Variants in MGAT5 observed in about 807,000 individuals in gnomAD.
The protein encoded by MGAT5 is alpha-1,6-mannosylglycoprotein 6-beta-N-acetylglucosaminyltransferase A.
MGAT5 carries 30 observed loss-of-function variants against 94.3 expected under a neutral mutation model. The observed-to-expected ratio is 0.32, with a 90% confidence interval of 0.24 to 0.43. The LOEUF (loss-of-function observed/expected upper bound fraction) is 0.43. Ranked by LOEUF, MGAT5 falls within the 20% of genes least tolerant of loss-of-function variation. The pLI, the probability that MGAT5 is intolerant of heterozygous loss-of-function variation, is 1.00. For synonymous variants in MGAT5, 310 were observed against 322.9 expected (o/e 0.96, Z 0.43); for missense variants, 691 against 905.5 (o/e 0.76, Z 3.04).
At chr2:134,309,691 G>A (rs549345377) in intron 2 of MGAT5, among the ~76,000 whole-genome samples, 56 of 152,266 alleles carry the variant, frequency 3.7e-4, no homozygotes, top group Non-Finnish European at 4.1e-4. Flanking sequence ...TAGCAGCACC[G>A]TGGGGCTTAT....
At chr2:134,346,379 G>A (rs1030168559) in intron 8 of MGAT5, among the ~76,000 whole-genome samples, 7 of 152,122 alleles carry the variant, frequency 4.6e-5, no homozygotes, top group African/African-American at 1.7e-4. Flanking sequence ...ATGGATGAGT[G>A]TAATGTTTAT....
intron 8 of MGAT5, among the ~76,000 whole-genome samples, chr2:134,348,656 T>C (rs1225400909): frequency 2.6e-5 from 4 of 152,148 alleles, no homozygotes; most frequent in African/African-American, 7.2e-5. Flanking sequence ...GATTCTAAAA[T>C]GTGGGTTTCA....
At chr2:134,169,729 G>T (rs983154698) in intron 1 of MGAT5, among the ~76,000 whole-genome samples, 59 of 152,198 alleles carry the variant, frequency 3.9e-4, no homozygotes, top group African/African-American at 1.3e-3. Context: ...ACTTGGCTCT[G>T]CAGGAAATGA....
chr2:134,378,316 T>G (rs936268627), intron 10 of MGAT5, among the ~76,000 whole-genome samples: 10 of 152,198 alleles, frequency 6.6e-5, no homozygotes, highest in African/African-American at 2.4e-4. Flanking sequence ...ACTTTGTGAC[T>G]GGGAGGCAGA....
chr2:134,212,646 A>G (rs932727678), intron 1 of MGAT5, among the ~76,000 whole-genome samples: 1 of 152,220 alleles, frequency 6.6e-6, no homozygotes, highest in African/African-American at 2.4e-5. Context: ...CAGCCTTGGG[A>G]AAATGTTAAA....
chr2:134,275,615 G>T (rs1234828727), intron 2 of MGAT5, among the ~76,000 whole-genome samples: 1 of 120,210 alleles, frequency 8.3e-6, no homozygotes, highest in Non-Finnish European at 1.6e-5. Context: ...AGACAGTCTC[G>T]CTCTGTTGCT....
chr2:134,420,204 G>A (rs1016265314), intron 12 of MGAT5, among the ~76,000 whole-genome samples: 2 of 152,086 alleles, frequency 1.3e-5, no homozygotes, highest in African/African-American at 2.4e-5. Context: ...TCTCAGAATC[G>A]TCATTGATGC....
At chr2:134,369,726 A>AC (rs1680660663) in intron 10 of MGAT5, among the ~76,000 whole-genome samples, 2 of 23,088 alleles carry the variant, frequency 8.7e-5, no homozygotes, top group Non-Finnish European at 2.1e-4. Context: ...TGGTTTTTAC[A>AC]TTGTGTGTGT....
At chr2:134,298,199 A>C (rs1685798827) in intron 2 of MGAT5, among the ~76,000 whole-genome samples, 1 of 152,068 alleles carries the variant, frequency 6.6e-6, no homozygotes. Flanking sequence ...GGGTTCAAGC[A>C]ATTCTCCTAC....
chr2:134,387,175 T>G (rs1682037811), intron 10 of MGAT5, among the ~76,000 whole-genome samples: 1 of 151,130 alleles, frequency 6.6e-6, no homozygotes, highest in African/African-American at 2.4e-5. Flanking sequence ...GCAGGAGAAT[T>G]GCTTGAACCC....
intron 1 of MGAT5, among the ~76,000 whole-genome samples, chr2:134,184,409 A>T (rs1225546232): frequency 6.6e-6 from 1 of 152,122 alleles, no homozygotes; most frequent in Non-Finnish European, 1.5e-5. Flanking sequence ...GACTGGTGCT[A>T]GTTCTGCTCT....
Position 134,325,658 on chromosome 2 carries a change from T to C in MGAT5, c.573+6919T>C, listed in dbSNP as rs139395715. ...TTAACATAATTCCTTCACATCAGATTAGTATTCACATTTTCAGGCCATTGT... is the reference window on the plus strand; with the variant it reads ...TTAACATAATTCCTTCACATCAGATCAGTATTCACATTTTCAGGCCATTGT... On this transcript the variant is annotated intron_variant, in intron 4 of 15. Coordinates refer to ENST00000281923, the MANE Select transcript of MGAT5 (RefSeq NM_002410.5). Among the ~76,000 whole-genome samples the C allele has an allele frequency of 1.4e-3, 214 of 152,264 alleles. 1 individual carries two copies. The highest frequency in any genetic ancestry group is 6.8e-3 in the Middle Eastern group (2 of 294).
intron 9 of MGAT5, among the ~76,000 whole-genome samples, chr2:134,360,955 GT>G (rs1275005779): frequency 6.6e-6 from 1 of 152,220 alleles, no homozygotes; most frequent in Non-Finnish European, 1.5e-5. Context: ...TGACAACACA[GT>G]TTTTACATGG....
intron 1 of MGAT5, among the ~76,000 whole-genome samples, chr2:134,156,883 G>A (rs144156986): frequency 2.0e-5 from 3 of 152,220 alleles, no homozygotes; most frequent in African/African-American, 4.8e-5. Context: ...CGTTGGACTC[G>A]GACACATCCA....
At chr2:134,302,205 T>G (rs1686061130) in intron 2 of MGAT5, among the ~76,000 whole-genome samples, 1 of 152,184 alleles carries the variant, frequency 6.6e-6, no homozygotes, top group Non-Finnish European at 1.5e-5. Context: ...AAACAGGCAG[T>G]GGGCCAGATT....
At chr2:134,389,723 A>G (rs1682280968) in intron 10 of MGAT5, among the ~76,000 whole-genome samples, 1 of 152,164 alleles carries the variant, frequency 6.6e-6, no homozygotes, top group South Asian at 2.1e-4. Flanking sequence ...AATTTGGAGT[A>G]CTTGTATTCT....
chr2:134,271,793 G>A (rs1452739308), intron 2 of MGAT5, among the ~76,000 whole-genome samples: 1 of 152,192 alleles, frequency 6.6e-6, no homozygotes, highest in Non-Finnish European at 1.5e-5. Flanking sequence ...CTTCCTTGCA[G>A]TTTCCAACAG....
intron 2 of MGAT5, among the ~76,000 whole-genome samples, chr2:134,305,263 A>T (rs1260026868): frequency 1.2e-4 from 18 of 152,066 alleles, no homozygotes; most frequent in Admixed American, 1.2e-3. Context: ...GAAAACAAAA[A>T]TTTTTCTTGA....
chr2:134,350,621 T>C (rs116530509), intron 9 of MGAT5, among the ~76,000 whole-genome samples: 3,208 of 152,308 alleles, frequency 0.021, 54 homozygotes, highest in South Asian at 0.044. Context: ...TTCCCACTTT[T>C]ACCATTTCTT....
Sources: gnomAD v4.1 joint callset for allele counts (sites outside exome capture counted in the v4.1 genomes callset) on GRCh38, gnomAD v4.1.1 for gene constraint, MANE v1.5 for transcripts, NCBI Gene and HGNC (gene_info 2026-07-23, HGNC 2026-07-21) for gene names.